SPTA1: variants seen among roughly 807,000 people sequenced by gnomAD.
SPTA1 encodes spectrin alpha chain, erythrocytic 1.
Under a neutral mutation model 324.7 loss-of-function variants are expected in SPTA1, and 177 were observed. That is an observed-to-expected ratio of 0.55 (90% confidence interval 0.48 to 0.62). The LOEUF (loss-of-function observed/expected upper bound fraction) is 0.62, where lower values mean the gene tolerates loss of function less well. SPTA1 is among the 20% of genes least tolerant of loss of function. The pLI is 0.00. For synonymous variants in SPTA1, 1,195 were observed against 1,041.3 expected (o/e 1.15, Z -2.84); for missense variants, 3,162 against 2,883.6 (o/e 1.10, Z -2.21).
intron 47 of SPTA1, 116 bp downstream of exon 47, chr1:158,617,421 A>T: frequency 2.5e-6 from 2 of 810,404 alleles, no homozygotes; most frequent in Non-Finnish European, 4.2e-6. Context: ...CTATGGTTAA[A>T]ATGGACTTCA....
chr1:158,662,568 AC>A, intron 17 of SPTA1, 133 bp downstream of exon 17: 1 of 1,223,186 alleles, frequency 8.2e-7, no homozygotes, highest in East Asian at 2.5e-5. Context: ...GAAGGACTGG[AC>A]AAATTTTCAT....
intron 3 of SPTA1, 119 bp from the exon 4 acceptor site, chr1:158,681,786 T>A (rs1364978372): frequency 3.1e-6 from 4 of 1,294,834 alleles, no homozygotes; most frequent in Non-Finnish European, 4.4e-6. Flanking sequence ...CATGCATTAG[T>A]TGCTCAACAA....
At chr1:158,622,513 C>A (rs1012104151) in intron 43 of SPTA1, among the ~76,000 whole-genome samples, 1 of 151,984 alleles carries the variant, frequency 6.6e-6, no homozygotes, top group Non-Finnish European at 1.5e-5. Context: ...AATGGTGATG[C>A]TACTCAATTT....
intron 10 of SPTA1, among the ~76,000 whole-genome samples, chr1:158,674,119 G>T (rs1654229877): frequency 6.6e-6 from 1 of 152,060 alleles, no homozygotes; most frequent in African/African-American, 2.4e-5. Context: ...GCAGATTTTG[G>T]CACCTGAGGG....
Position 158,634,639 on chromosome 1 carries a change from T to C in SPTA1, c.5469A>G (p.Gln1823=), listed in dbSNP as rs1330821179. Residue 1823 remains glutamine (Q), a synonymous_variant, in exon 39 of 52, where the codon CAA becomes CAG. Coordinates refer to ENST00000643759, the MANE Select transcript of SPTA1 (RefSeq NM_003126.4). ...CCTCTTCCTCAGCATTCTGCATGAA[T>C]TGCAAGTATTCTAGGGATTCTTCCA... is the stretch of plus-strand genomic sequence containing the variant. The part of the protein sequence containing the change: ...LKLEESLEYL[Q]FMQNAEEEEA... The C allele has an allele frequency of 2.2e-5, 35 of 1,614,160 alleles. No homozygotes were observed. The highest frequency in any genetic ancestry group is 2.8e-5 in the Non-Finnish European group (33 of 1,180,046).
chr1:158,621,999 G>T (rs1649943865), intron 43 of SPTA1, among the ~76,000 whole-genome samples: 1 of 152,150 alleles, frequency 6.6e-6, no homozygotes, highest in South Asian at 2.1e-4. Context: ...TGAGTAGCTG[G>T]GACTACAGGT....
chr1:158,680,531 T>A, intron 5 of SPTA1, 52 bp downstream of exon 5: 1 of 1,612,148 alleles, frequency 6.2e-7, no homozygotes. Flanking sequence ...CAGAAGTTAT[T>A]CTTAAGGATA....
chr1:158,645,543 C>T lies in SPTA1; in HGVS notation c.3948G>A (p.Glu1316=). The change falls in exon 28 of 52, where the codon GAG becomes GAA. Residue 1316 remains glutamate, a synonymous_variant. Coordinates refer to ENST00000643759, the MANE Select transcript of SPTA1 (RefSeq NM_003126.4). ...SSIGGMVSSQ[E]LAEDLTGIEI... Reference sequence around the variant, plus strand: ...CTATGCCAGTTAAGTCTTCGGCCAGCTCCTGTGATGATACCATGCCACCAA... The same window carrying T: ...CTATGCCAGTTAAGTCTTCGGCCAGTTCCTGTGATGATACCATGCCACCAA... 10 of 1,613,992 alleles carry T rather than the reference C, an allele frequency of 6.2e-6. No homozygotes were observed. The highest frequency in any genetic ancestry group is 8.5e-6 in the Non-Finnish European group (10 of 1,179,920).
At position 158,651,907 on chromosome 1, in the gene SPTA1, C is replaced by G. The variant is rs144407113; in HGVS notation, c.3376-439G>C. Among the ~76,000 whole-genome samples, 1,297 of 145,542 alleles carry G rather than the reference C, an allele frequency of 8.9e-3. 11 individuals carry two copies. The highest frequency in any genetic ancestry group is 0.022 in the African/African-American group (812 of 36,964). On this transcript the variant is annotated intron_variant, in intron 23 of 51. Transcript: ENST00000643759. ...TCTCTCTCTCTCTCTCTCTCTCTCT[C>G]TCTGTGTGTGTGTGTGCGCGTGTGT...
intron 14 of SPTA1, 126 bp downstream of exon 14, chr1:158,669,282 C>T (rs1201559328): frequency 7.7e-7 from 1 of 1,306,842 alleles, no homozygotes; most frequent in East Asian, 2.3e-5. Context: ...TTTTCTGAGC[C>T]TCTGTTTTGT....
chr1:158,611,053 A>G lies in SPTA1; in HGVS notation c.*211T>C. On this transcript the variant is annotated 3_prime_UTR_variant, in exon 52 of 52. Coordinates refer to ENST00000643759, the MANE Select transcript of SPTA1 (RefSeq NM_003126.4). ...ATACAAAATAGCTTCCACTCCTCCAACTCTATTAACCTTTCTATCTCCCAC... is the reference window on the plus strand; with the variant it reads ...ATACAAAATAGCTTCCACTCCTCCAGCTCTATTAACCTTTCTATCTCCCAC... The G allele has an allele frequency of 1.6e-6, 1 of 620,034 alleles. No homozygotes were observed. Among genetic ancestry groups the G allele is most frequent in the Admixed American group, 2.7e-5 (1 of 37,186 alleles). The allele number at this position is 620,034 out of a possible 1,614,324, so 38.4% of individuals were successfully genotyped here. A position where few individuals can be genotyped will look rare whatever the true frequency, so the allele number is the denominator to read the frequency against.
intron 5 of SPTA1, among the ~76,000 whole-genome samples, chr1:158,679,433 G>A (rs1654636029): frequency 6.6e-6 from 1 of 152,120 alleles, no homozygotes; most frequent in African/African-American, 2.4e-5. Context: ...CTGATAGAAA[G>A]TAGCAGAAGT....
intron 29 of SPTA1, 130 bp downstream of exon 29, chr1:158,645,058 A>C (rs1651889016): frequency 7.4e-6 from 7 of 946,836 alleles, no homozygotes; most frequent in Non-Finnish European, 1.2e-5. Flanking sequence ...ATGCTAGGTA[A>C]TTAAGAGATG....
At chr1:158,614,079 G>A (rs1378726695) in intron 49 of SPTA1, among the ~76,000 whole-genome samples, 174 bp downstream of exon 49, 1 of 152,134 alleles carries the variant, frequency 6.6e-6, no homozygotes, top group African/African-American at 2.4e-5. Flanking sequence ...ATGAAGAAAT[G>A]TATTTTTTGA....
chr1:158,685,322 A>G lies in SPTA1; in HGVS notation c.50T>C (p.Val17Ala), dbSNP rs748768867. The part of the protein sequence containing the change: ...ETVVESSGPK[V>A]LETAEEIQER... The stretch of plus-strand genomic sequence containing the variant: ...CTGGATCTCTTCTGCTGTTTCCAAA[A>G]CCTTTGGCCCACTGCTCTCCACAAC... The change falls in exon 2 of 52, where the codon GTT (valine) becomes GCT (alanine). Residue 17 changes from valine to alanine, a missense_variant. Transcript: ENST00000643759. 1 of 1,613,410 alleles carries G rather than the reference A, an allele frequency of 6.2e-7. No homozygotes were observed.
intron 17 of SPTA1, among the ~76,000 whole-genome samples, chr1:158,662,448 A>G (rs892253825): frequency 1.3e-5 from 2 of 152,234 alleles, no homozygotes; most frequent in African/African-American, 4.8e-5. Flanking sequence ...AGAGCACGCA[A>G]CAAAATGCTG....
At position 158,647,725 on chromosome 1, in the gene SPTA1, G is replaced by A; in HGVS notation, c.3715-5C>T. ...TGTCTCCCCCAGTATGGTCACCTGG[G>A]GAGGTACAATAGCTCTGATAATCAG... On this transcript the variant is annotated splice_polypyrimidine_tract_variant and splice_region_variant and intron_variant, in intron 26 of 51. Transcript: ENST00000643759. 6.2e-7 allele frequency: 1 copy of A among 1,613,784 alleles called. No homozygotes were observed. The highest frequency in any genetic ancestry group is 8.5e-7 in the Non-Finnish European group (1 of 1,179,876).
chr1:158,627,032 T>G, intron 40 of SPTA1, 25 bp from the exon 41 acceptor site: 1 of 1,613,144 alleles, frequency 6.2e-7, no homozygotes. Flanking sequence ...GAGACAAATA[T>G]ATTTATAATG....
At chr1:158,658,358 A>G (rs1652976097) in intron 18 of SPTA1, among the ~76,000 whole-genome samples, 1 of 152,176 alleles carries the variant, frequency 6.6e-6, no homozygotes, top group African/African-American at 2.4e-5. Context: ...AGACCTTTTC[A>G]GAGAAGTTCC....
Sources: gnomAD v4.1 joint callset for allele counts (sites outside exome capture counted in the v4.1 genomes callset) on GRCh38, gnomAD v4.1.1 for gene constraint, MANE v1.5 for transcripts, NCBI Gene and HGNC (gene_info 2026-07-23, HGNC 2026-07-21) for gene names.